The following ACAA1 variants were observed in gnomAD, a reference collection of about 807,000 sequenced individuals.
ACAA1 encodes 3-ketoacyl-CoA thiolase, peroxisomal.
A neutral mutation model predicts 48.8 loss-of-function variants in ACAA1; 44 were observed. The observed-to-expected ratio is 0.90, with a 90% CI of 0.71 to 1.16. The LOEUF (loss-of-function observed/expected upper bound fraction) is 1.16. Ranked by LOEUF, ACAA1 falls within the 50% of genes most tolerant of loss-of-function variation. ACAA1 has a pLI of 0.00. For synonymous variants in ACAA1, 233 were observed against 226.5 expected (o/e 1.03, Z -0.26); for missense variants, 512 against 562.3 (o/e 0.91, Z 0.90).
chr3:38,125,642 G>C lies in ACAA1; in HGVS notation c.1122C>G (p.Ala374=). The change falls in exon 11 of 12, where the codon GCC becomes GCG. Residue 374 remains alanine, a synonymous_variant. Transcript: ENST00000333167. ...CAGTGCAGCCCAGTGGGTGCCCTAA[G>C]GCCACTGCACCCCCCAGGGGGTTCA... The part of the protein sequence containing the change: ...EKVNPLGGAV[A]LGHPLGCTGA... 1 of 1,599,732 alleles carries C rather than the reference G, an allele frequency of 6.3e-7. No homozygotes were observed. The highest frequency in any genetic ancestry group is 8.5e-7 in the Non-Finnish European group (1 of 1,171,984).
At chr3:38,123,243 G>A (rs1365151448) in intron 11 of ACAA1, 121 bp from the exon 12 acceptor site, 3 of 916,526 alleles carry the variant, frequency 3.3e-6, no homozygotes, top group African/African-American at 3.3e-5. Flanking sequence ...AGATCTGTGG[G>A]CAAGCGGTAC....
At chr3:38,136,515 G>T (rs997342033) in intron 2 of ACAA1, 77 bp downstream of exon 2, 2 of 1,527,344 alleles carry the variant, frequency 1.3e-6, no homozygotes, top group Non-Finnish European at 9.1e-7. Flanking sequence ...GAAAATTCGG[G>T]GCGGGGAGGT....
chr3:38,133,671 G>C (rs1700832044), intron 3 of ACAA1: 1 of 488,420 alleles, frequency 2.0e-6, no homozygotes, highest in Non-Finnish European at 3.7e-6. Context: ...GACAAATGAG[G>C]ACAGAGTCCA....
chr3:38,129,467 G>C lies in ACAA1; in HGVS notation c.447-79C>G. On this transcript the variant is annotated intron_variant, in intron 5 of 11. Coordinates refer to ENST00000333167, the MANE Select transcript of ACAA1 (RefSeq NM_001607.4). The surrounding 1 kb of genome is among the most constrained non-coding windows in gnomAD (Gnocchi z 5.3). ...TCCTCCAGAGATAGCTGAACACTTG[G>C]CAAGTGCTAGGAAATAGCCAGGGAG... The C allele has an allele frequency of 2.6e-6, 3 of 1,167,830 alleles. No individual in the cohort carries two copies. The highest frequency in any genetic ancestry group is 3.8e-6 in the Non-Finnish European group (3 of 799,474). The allele number at this position is 1,167,830 out of a possible 1,614,324, so 72.3% of individuals were successfully genotyped here. A position where few individuals can be genotyped will look rare whatever the true frequency, so the allele number is the denominator to read the frequency against.
At chr3:38,132,708 G>A (rs1700812543) in intron 3 of ACAA1, among the ~76,000 whole-genome samples, 2 of 152,146 alleles carry the variant, frequency 1.3e-5, no homozygotes, top group African/African-American at 4.8e-5. Context: ...CACAGACTCA[G>A]AATCTGAGGG....
chr3:38,133,537 C>A, intron 3 of ACAA1: 1 of 172,698 alleles, frequency 5.8e-6, no homozygotes, highest in Non-Finnish European at 1.2e-5. Flanking sequence ...TCCTGAGGGT[C>A]CTCCTTCCCC....
chr3:38,125,990 G>A lies in ACAA1; in HGVS notation c.998-109C>T. 11 of 1,545,560 alleles carry A rather than the reference G, an allele frequency of 7.1e-6. No individual in the cohort carries two copies. The South Asian group carries it at 1.0e-4, about 14-fold the overall frequency. On this transcript the variant is annotated intron_variant, in intron 9 of 11. Transcript: ENST00000333167. ...CCTGGTGTGTGTCTCTTCCAGAAGG[G>A]TGAGCCAATCCCAGCTGTGGGGTCA...
At chr3:38,125,755 C>T in intron 10 of ACAA1, 45 bp from the exon 11 acceptor site, 1 of 1,614,062 alleles carries the variant, frequency 6.2e-7, no homozygotes, top group Non-Finnish European at 8.5e-7. Flanking sequence ...TACCCCTCCC[C>T]TGCACCACCT....
chr3:38,128,375 T>C (rs1173666543), intron 6 of ACAA1, among the ~76,000 whole-genome samples: 3 of 152,188 alleles, frequency 2.0e-5, no homozygotes, highest in African/African-American at 4.8e-5. Context: ...ATGCTTATCC[T>C]GAGAACCTAG....
intron 2 of ACAA1, chr3:38,135,349 G>C (rs1019819304): frequency 6.6e-6 from 1 of 151,998 alleles, no homozygotes; most frequent in Admixed American, 6.6e-5. Context: ...GTGGGCCCAG[G>C]GGACTGGTGC....
chr3:38,137,027 C>A lies in ACAA1; in HGVS notation c.9G>T (p.Arg3Ser). 6.4e-7 allele frequency: 1 copy of A among 1,565,902 alleles called. No homozygotes were observed. ...TCAGGTGGCCCAGCACTACCTGCAG[C>A]CTCTGCATTGCGCAGGTCAACCCTG... MQ[R>S]LQVVLGHLRG... The change falls in exon 1 of 12, where the codon AGG becomes AGT. Residue 3 changes from arginine (R) to serine (S), a missense_variant. Physicochemically the swap from Arg to Ser is moderately radical, Grantham distance 110. Coordinates refer to ENST00000333167, the MANE Select transcript of ACAA1 (RefSeq NM_001607.4).
At position 38,128,737 on chromosome 3, in the gene ACAA1, G is replaced by A. The variant is rs538048384; in HGVS notation, c.545+553C>T. Among the ~76,000 whole-genome samples, 92 of 152,184 alleles carry A rather than the reference G, an allele frequency of 6.0e-4. 1 individual carries two copies. The highest frequency in any genetic ancestry group is 1.3e-4 in the Admixed American group (2 of 15,288). Reference sequence around the variant, plus strand: ...CTCCCAAGTAGCTGGGACTACAGGCGCTCACCACCGCGCCCGGCTAATTTT... The same window carrying A: ...CTCCCAAGTAGCTGGGACTACAGGCACTCACCACCGCGCCCGGCTAATTTT... On this transcript the variant is annotated intron_variant, in intron 6 of 11. Transcript: ENST00000333167.
At position 38,126,514 on chromosome 3, in the gene ACAA1, T is replaced by C. The variant is rs763063391; in HGVS notation, c.813A>G (p.Thr271=). 1 of 1,614,238 alleles carries C rather than the reference T, an allele frequency of 6.2e-7. No homozygotes were observed. The highest frequency in any genetic ancestry group is 1.1e-5 in the South Asian group (1 of 91,090). Residue 271 remains threonine, a synonymous_variant, in exon 8 of 12, where the codon ACA becomes ACG. Transcript: ENST00000333167. The surrounding 1 kb of genome is among the most constrained non-coding windows in gnomAD (Gnocchi z 4.7). ...KPAFKKDGST[T]AGNSSQVSDG... Reference sequence around the variant, plus strand: ...CCTACCCCGGACCAGTCTCACCAGCTGTGGTAGAACCATCTTTCTTGAAGG... The same window carrying C: ...CCTACCCCGGACCAGTCTCACCAGCCGTGGTAGAACCATCTTTCTTGAAGG...
intron 6 of ACAA1, among the ~76,000 whole-genome samples, chr3:38,128,338 G>C (rs983619504): frequency 2.0e-5 from 3 of 152,208 alleles, no homozygotes; most frequent in African/African-American, 7.2e-5. Flanking sequence ...CCAAACCTAA[G>C]CTTCCTGGTC....
chr3:38,137,069 C>G lies in ACAA1; in HGVS notation c.-34G>C. The G allele has an allele frequency of 1.3e-6, 2 of 1,501,674 alleles. No individual in the cohort carries two copies. The highest frequency in any genetic ancestry group is 2.7e-5 in the East Asian group (1 of 36,744). The allele number at this position is 1,501,674 out of a possible 1,614,324, so 93.0% of individuals were successfully genotyped here. ...TCAACCCTGCAGACCAGCCACCAGTCCGGGAACTGACCGCGGAGTTAACAG... is the reference window on the plus strand; with the variant it reads ...TCAACCCTGCAGACCAGCCACCAGTGCGGGAACTGACCGCGGAGTTAACAG... On this transcript the variant is annotated 5_prime_UTR_variant, in exon 1 of 12. Coordinates refer to ENST00000333167, the MANE Select transcript of ACAA1 (RefSeq NM_001607.4).
intron 7 of ACAA1, among the ~76,000 whole-genome samples, chr3:38,127,449 C>T (rs1446190249): frequency 2.6e-5 from 4 of 152,188 alleles, no homozygotes; most frequent in Non-Finnish European, 5.9e-5. Flanking sequence ...CAGCATGGTC[C>T]AGAAGCTAGG....
rs779728477 is a variant in ACAA1, at chr3:38,131,576, C to T, written c.446+20G>A. 1.8e-5 allele frequency: 29 copies of T among 1,613,438 alleles called. No homozygotes were observed. Among genetic ancestry groups the T allele is most frequent in the Non-Finnish European group, 2.3e-5 (27 of 1,179,542 alleles). On this transcript the variant is annotated intron_variant, in intron 5 of 11. Transcript: ENST00000333167. ...TTGTCACAAGTTGGTTAATAAGCTC[C>T]GGCAGAAAAAAATTCTTACCCACAG... is the stretch of plus-strand genomic sequence containing the variant.
intron 1 of ACAA1, 84 bp from the exon 2 acceptor site, chr3:38,136,769 G>C: frequency 6.7e-7 from 1 of 1,487,006 alleles, no homozygotes; most frequent in Non-Finnish European, 8.9e-7. Context: ...TGGGTGCGGA[G>C]CTGCCTCCGG....
intron 2 of ACAA1, chr3:38,134,621 T>C: frequency 4.5e-6 from 2 of 440,440 alleles, no homozygotes; most frequent in Non-Finnish European, 9.1e-6. Flanking sequence ...AACTCTGTGC[T>C]CACAAAAACA....
Sources: allele counts gnomAD v4.1 joint callset (sites outside exome capture counted in the v4.1 genomes callset), GRCh38; gene constraint gnomAD v4.1.1; non-coding constraint Gnocchi (gnomAD v3.1); transcripts MANE v1.5; gene names NCBI Gene and HGNC (gene_info 2026-07-23, HGNC 2026-07-21).